The following CACNB2 variants were observed in gnomAD, a reference collection of about 807,000 sequenced individuals.
CACNB2 encodes the protein calcium voltage-gated channel auxiliary subunit beta 2, also known as voltage-dependent L-type calcium channel subunit beta-2.
A neutral mutation model predicts 73.3 loss-of-function variants in CACNB2; 42 were observed. The ratio of observed to expected loss-of-function variants is 0.57; its 90% CI spans 0.45 to 0.74. The LOEUF (loss-of-function observed/expected upper bound fraction) is 0.74. CACNB2 is among the 30% of genes least tolerant of loss of function. The probability of loss-of-function intolerance (pLI) is 0.00; values close to 1 mark genes in which losing one functional copy is unlikely to be tolerated. For synonymous variants in CACNB2, 348 were observed against 310.3 expected, an observed-to-expected ratio of 1.12 and a Z score of -1.28; for missense variants, 940 against 853.0, an observed-to-expected ratio of 1.10 and a Z score of -1.27.
chr10:18,234,354 A>G (rs2036345510), intron 2 of CACNB2: 1 of 152,258 alleles, frequency 6.6e-6, no homozygotes, highest in Admixed American at 6.5e-5. Context: ...CATATTAAGC[A>G]TAAAATTACC....
At chr10:18,416,248 T>C (rs1471483922) in intron 3 of CACNB2, among the ~76,000 whole-genome samples, 1 of 152,190 alleles carries the variant, frequency 6.6e-6, no homozygotes, top group East Asian at 1.9e-4. Context: ...CAGCATGATA[T>C]CCTCAAGATT....
intron 2 of CACNB2, among the ~76,000 whole-genome samples, chr10:18,379,597 G>A (rs1482345496): frequency 1.3e-5 from 2 of 152,078 alleles, no homozygotes; most frequent in African/African-American, 2.4e-5. Context: ...CCCATTTCCA[G>A]AACATTTTCG....
At chr10:18,181,000 A>T (rs747922644) in intron 2 of CACNB2, among the ~76,000 whole-genome samples, 4 of 151,492 alleles carry the variant, frequency 2.6e-5, no homozygotes, top group Non-Finnish European at 5.9e-5. Flanking sequence ...AAAAAGAAAT[A>T]TAAGAAAATG....
intron 3 of CACNB2, among the ~76,000 whole-genome samples, chr10:18,489,646 G>A (rs1198874673): frequency 6.6e-6 from 1 of 152,088 alleles, no homozygotes; most frequent in Admixed American, 6.5e-5. Context: ...TAAATGAAAT[G>A]TAGCAATCTA....
chr10:18,419,701 T>G (rs559586031), intron 3 of CACNB2, among the ~76,000 whole-genome samples: 16 of 152,288 alleles, frequency 1.1e-4, no homozygotes, highest in Admixed American at 3.3e-4. Flanking sequence ...AACAATTTAT[T>G]AGCAACTGCT....
At chr10:18,215,382 C>T (rs976150305) in intron 2 of CACNB2, among the ~76,000 whole-genome samples, 2 of 152,006 alleles carry the variant, frequency 1.3e-5, no homozygotes, top group Non-Finnish European at 2.9e-5. Flanking sequence ...TGGTTCAGCT[C>T]CAGCTAGGGC....
intron 2 of CACNB2, among the ~76,000 whole-genome samples, chr10:18,304,927 A>G (rs1298303500): frequency 6.6e-6 from 1 of 152,208 alleles, no homozygotes; most frequent in Admixed American, 6.5e-5. Flanking sequence ...AGATGTGTGC[A>G]TTATTCTTGG....
intron 1 of CACNB2, among the ~76,000 whole-genome samples, chr10:18,148,085 T>C (rs1456204023): frequency 1.7e-5 from 2 of 120,884 alleles, no homozygotes; most frequent in East Asian, 5.6e-4. Context: ...GTAATCACTC[T>C]ACAGTTTTTT....
At chr10:18,220,232 T>TATATATAGAGAG (rs1488872721) in intron 2 of CACNB2, among the ~76,000 whole-genome samples, 2 of 25,094 alleles carry the variant, frequency 8.0e-5, no homozygotes, top group African/African-American at 4.9e-4. Flanking sequence ...TATATATATA[T>TATATATAGAGAG]AGAGAGAGAG....
chr10:18,270,827 A>T (rs2131640963), intron 2 of CACNB2, among the ~76,000 whole-genome samples: 1 of 151,906 alleles, frequency 6.6e-6, no homozygotes, highest in African/African-American at 2.4e-5. Flanking sequence ...TCCCTTTTTG[A>T]TTGTTGTATC....
intron 3 of CACNB2, among the ~76,000 whole-genome samples, chr10:18,463,860 G>A (rs1056770844): frequency 6.6e-5 from 10 of 152,058 alleles, no homozygotes; most frequent in Middle Eastern, 6.8e-3. Context: ...AGCTCCTCCC[G>A]CTCCATGCAG....
At chr10:18,463,485 C>A (rs11014345) in intron 3 of CACNB2, among the ~76,000 whole-genome samples, 19 of 152,238 alleles carry the variant, frequency 1.2e-4, no homozygotes, top group African/African-American at 4.1e-4. Flanking sequence ...TAGCTCACTG[C>A]GGCTTCACAG....
At chr10:18,368,386 A>G (rs2042441657) in intron 2 of CACNB2, among the ~76,000 whole-genome samples, 1 of 152,174 alleles carries the variant, frequency 6.6e-6, no homozygotes, top group Admixed American at 6.5e-5. Flanking sequence ...TGATTGCAAA[A>G]TTATAAGCTT....
intron 9 of CACNB2, among the ~76,000 whole-genome samples, chr10:18,522,549 G>A (rs1329652253): frequency 6.6e-6 from 1 of 152,118 alleles, no homozygotes; most frequent in Non-Finnish European, 1.5e-5. Flanking sequence ...GCAAGGGTAG[G>A]AAGGAAAGTT....
At chr10:18,481,358 T>C (rs535270101) in intron 3 of CACNB2, among the ~76,000 whole-genome samples, 42 of 146,720 alleles carry the variant, frequency 2.9e-4, no homozygotes, top group African/African-American at 1.1e-3. Flanking sequence ...GTGATTCTTT[T>C]GCCTTAGCCT....
intron 2 of CACNB2, among the ~76,000 whole-genome samples, chr10:18,151,796 G>A (rs910831889): frequency 1.3e-4 from 20 of 152,100 alleles, no homozygotes; most frequent in African/African-American, 4.6e-4. Flanking sequence ...GGGATGTCCA[G>A]TGTCTGATCA....
At chr10:18,267,612 GAAAAC>G (rs2037869602) in intron 2 of CACNB2, among the ~76,000 whole-genome samples, 1 of 151,814 alleles carries the variant, frequency 6.6e-6, no homozygotes. Context: ...TCTCAAAAAA[GAAAAC>G]AAAAAAATAA....
At chr10:18,218,523 CTG>C (rs1280989049) in intron 2 of CACNB2, among the ~76,000 whole-genome samples, 2 of 152,104 alleles carry the variant, frequency 1.3e-5, no homozygotes, top group East Asian at 1.9e-4. Context: ...ATTCAATTAG[CTG>C]TGTGTGTGCA....
At chr10:18,412,356 G>A (rs1434586944) in intron 3 of CACNB2, among the ~76,000 whole-genome samples, 7 of 152,164 alleles carry the variant, frequency 4.6e-5, no homozygotes, top group Non-Finnish European at 7.3e-5. Flanking sequence ...CCCTTTGGAA[G>A]AAGAAATATC....
Sources: gnomAD v4.1 joint callset for allele counts (sites outside exome capture counted in the v4.1 genomes callset) on GRCh38, gnomAD v4.1.1 for gene constraint, MANE v1.5 for transcripts, NCBI Gene and HGNC (gene_info 2026-07-23, HGNC 2026-07-21) for gene names.